The following TP73 variants were observed in gnomAD, a reference collection of about 807,000 sequenced individuals.
The protein encoded by TP73 is tumor protein p73, also known as p53-like transcription factor.
Under a neutral mutation model 62.5 loss-of-function variants are expected in TP73, and 25 were observed. The ratio of observed to expected loss-of-function variants is 0.40; its 90% CI spans 0.29 to 0.56. The LOEUF is 0.56. Among genes scored for constraint, TP73 ranks in the 20% least tolerant of loss-of-function variants. The probability of loss-of-function intolerance (pLI) is 0.46; values close to 1 mark genes in which losing one functional copy is unlikely to be tolerated. For synonymous variants in TP73, 423 were observed against 377.5 expected (o/e 1.12, Z -1.40); for missense variants, 754 against 913.3 (o/e 0.83, Z 2.25).
At chr1:3,660,783 G>A (rs1053173888) in intron 1 of TP73, among the ~76,000 whole-genome samples, 3 of 152,162 alleles carry the variant, frequency 2.0e-5, no homozygotes, top group East Asian at 3.8e-4. Context: ...AAAAGCTTTC[G>A]GGAAAGCATC....
At chr1:3,732,105 G>A (rs1175732993) in intron 13 of TP73, among the ~76,000 whole-genome samples, 7 of 152,218 alleles carry the variant, frequency 4.6e-5, no homozygotes, top group Admixed American at 3.3e-4. Flanking sequence ...GTGAACCACA[G>A]GGCACCGTCA....
At chr1:3,689,019 T>C (rs1645738251) in intron 3 of TP73, among the ~76,000 whole-genome samples, 1 of 152,174 alleles carries the variant, frequency 6.6e-6, no homozygotes. Flanking sequence ...GGATGTGCCC[T>C]GTGGGGGTCG....
At chr1:3,710,001 G>A (rs1639997317) in intron 4 of TP73, among the ~76,000 whole-genome samples, 1 of 152,136 alleles carries the variant, frequency 6.6e-6, no homozygotes, top group African/African-American at 2.4e-5. Flanking sequence ...AGGTTCAAGG[G>A]ACTTCATGGT....
chr1:3,695,533 A>G (rs1427775105), intron 3 of TP73, among the ~76,000 whole-genome samples: 3 of 152,208 alleles, frequency 2.0e-5, no homozygotes, highest in Admixed American at 1.3e-4. Context: ...CCCTGTGCTG[A>G]GGAGCAGCAC....
chr1:3,724,167 G>C (rs183150594), intron 6 of TP73, among the ~76,000 whole-genome samples: 1 of 152,120 alleles, frequency 6.6e-6, no homozygotes, highest in African/African-American at 2.4e-5. Context: ...GGGCCCAACT[G>C]GTGTGAAAGG....
At chr1:3,725,000 CAG>C (rs956447236) in intron 6 of TP73, among the ~76,000 whole-genome samples, 7 of 149,498 alleles carry the variant, frequency 4.7e-5, no homozygotes, top group African/African-American at 7.4e-5. Flanking sequence ...GCCTGGGGGA[CAG>C]AGAGAGACTC....
At chr1:3,728,035 G>T (rs1437246942) in intron 8 of TP73, 94 bp from the exon 9 acceptor site, 4 of 1,353,914 alleles carry the variant, frequency 3.0e-6, no homozygotes, top group Non-Finnish European at 4.0e-6. Context: ...GAATCGATTG[G>T]CCCCAAGGGT....
intron 3 of TP73, 82 bp downstream of exon 3, chr1:3,683,262 A>C: frequency 6.7e-7 from 1 of 1,490,846 alleles, no homozygotes; most frequent in East Asian, 2.4e-5. Context: ...AGCCTGGCAG[A>C]ACCAGGAGAT....
At chr1:3,693,088 G>A (rs1241686277) in intron 3 of TP73, among the ~76,000 whole-genome samples, 1 of 152,024 alleles carries the variant, frequency 6.6e-6, no homozygotes, top group Non-Finnish European at 1.5e-5. Context: ...AGCAGGTGGA[G>A]GCAGTGCCCA....
intron 13 of TP73, 31 bp from the exon 14 acceptor site, chr1:3,732,716 C>T (rs777343664): frequency 1.3e-6 from 2 of 1,542,622 alleles, no homozygotes; most frequent in Non-Finnish European, 1.8e-6. Context: ...GCTCCACTGC[C>T]CCCTGCCCCT....
intron 1 of TP73, among the ~76,000 whole-genome samples, chr1:3,677,152 C>T (rs1406177961): frequency 3.3e-5 from 5 of 152,094 alleles, no homozygotes; most frequent in South Asian, 4.1e-4. Context: ...CCGTGGGTCC[C>T]GGGGAAGCTG....
intron 3 of TP73, chr1:3,690,547 G>A (rs550546986): frequency 1.8e-5 from 18 of 1,009,106 alleles, no homozygotes; most frequent in South Asian, 2.9e-5. Flanking sequence ...GCTGACCGGC[G>A]TCCCCGCCCT....
chr1:3,675,068 TC>T (rs1645334952), intron 1 of TP73, among the ~76,000 whole-genome samples: 1 of 88,096 alleles, frequency 1.1e-5, no homozygotes, highest in African/African-American at 4.7e-5. Flanking sequence ...AGGTGTCTCC[TC>T]CCACAATGGC....
At chr1:3,714,976 C>T (rs755325310) in intron 4 of TP73, among the ~76,000 whole-genome samples, 2 of 152,230 alleles carry the variant, frequency 1.3e-5, no homozygotes, top group Admixed American at 6.5e-5. Flanking sequence ...CACAGGGCAC[C>T]CGCACGCGGT....
At chr1:3,707,248 C>T (rs1639735555) in intron 3 of TP73, among the ~76,000 whole-genome samples, 1 of 152,170 alleles carries the variant, frequency 6.6e-6, no homozygotes, top group Non-Finnish European at 1.5e-5. Flanking sequence ...GGCCTGGGAG[C>T]CTCCCCCACC....
rs1165413386 is a variant in TP73, at chr1:3,667,535, G to A, written c.-33-14798G>A. Among the ~76,000 whole-genome samples, 4 of 152,154 alleles carry A rather than the reference G, an allele frequency of 2.6e-5. No individual in the cohort carries two copies. In the East Asian group the frequency reaches 7.7e-4, roughly 29 times the overall value. On this transcript the variant is annotated intron_variant, in intron 1 of 13. Coordinates refer to ENST00000378295, the MANE Select transcript of TP73 (RefSeq NM_005427.4). ...GGAGGCCGAGGCGGGTGGATCATGA[G>A]GTCAGAAGATTGAAACTATCCTGGC...
intron 1 of TP73, among the ~76,000 whole-genome samples, chr1:3,671,637 C>A (rs1001174187): frequency 6.6e-6 from 1 of 152,246 alleles, no homozygotes; most frequent in Non-Finnish European, 1.5e-5. Flanking sequence ...CTGAGATGTG[C>A]GGCCCTGGGC....
intron 1 of TP73, among the ~76,000 whole-genome samples, chr1:3,661,732 A>ATATAATATGTATTATATATATACATACAC (rs1644992003): frequency 6.8e-6 from 1 of 147,140 alleles, no homozygotes; most frequent in Non-Finnish European, 1.5e-5. Context: ...GTATATATAT[A>ATATAATATGTATTATATATATACATACAC]TATATATAAT....
At position 3,735,626 on chromosome 1, in the gene TP73, G is replaced by A. The variant is rs1482341673; in HGVS notation, c.*2547G>A. ...GGAACAAGAATCCTTTAAGTGATAT[G>A]TTTTTATAAAACTAAACAAATCAAC... On this transcript the variant is annotated 3_prime_UTR_variant, in exon 14 of 14. Coordinates refer to ENST00000378295, the MANE Select transcript of TP73 (RefSeq NM_005427.4). 6.6e-6 allele frequency: 1 copy of A among 152,250 alleles called. No homozygotes were observed. Among genetic ancestry groups the A allele is most frequent in the Non-Finnish European group, 1.5e-5 (1 of 68,048 alleles). The allele number at this position is 152,250 out of a possible 1,614,324, so 9.4% of individuals were successfully genotyped here. A position where few individuals can be genotyped will look rare whatever the true frequency, so the allele number is the denominator to read the frequency against.
Sources: gnomAD v4.1 joint callset for allele counts (sites outside exome capture counted in the v4.1 genomes callset) on GRCh38, gnomAD v4.1.1 for gene constraint, MANE v1.5 for transcripts, NCBI Gene and HGNC (gene_info 2026-07-23, HGNC 2026-07-21) for gene names.